Variants in FRMD4A observed in about 807,000 individuals in gnomAD.
The protein encoded by FRMD4A is FERM domain-containing protein 4A.
Under a neutral mutation model 129.1 loss-of-function variants are expected in FRMD4A, and 29 were observed. The observed-to-expected ratio is 0.22, with a 90% CI of 0.17 to 0.31. FRMD4A has a LOEUF of 0.31. FRMD4A is among the 10% of genes least tolerant of loss of function. The pLI is 1.00. For synonymous variants in FRMD4A, 634 were observed against 571.6 expected, an observed-to-expected ratio of 1.11 and a Z score of -1.56; for missense variants, 1,272 against 1,375.8, an observed-to-expected ratio of 0.92 and a Z score of 1.19.
chr10:13,668,579 G>A (rs748199900), intron 17 of FRMD4A: 5 of 152,228 alleles, frequency 3.3e-5, no homozygotes, highest in Non-Finnish European at 5.9e-5. Context: ...TTCCTTTTAC[G>A]AACTTAGGAA....
intron 15 of FRMD4A, among the ~76,000 whole-genome samples, chr10:13,691,408 T>G (rs998908671): frequency 5.9e-5 from 9 of 152,174 alleles, no homozygotes; most frequent in South Asian, 2.1e-4. Context: ...CCCTGGAGTC[T>G]GCCAGATACA....
intron 16 of FRMD4A, among the ~76,000 whole-genome samples, 166 bp from the exon 17 acceptor site, chr10:13,670,694 G>A (rs929679396): frequency 5.9e-5 from 9 of 152,180 alleles, no homozygotes; most frequent in African/African-American, 2.2e-4. Flanking sequence ...CTATGCCTAA[G>A]TAAGAGGTCA....
intron 15 of FRMD4A, among the ~76,000 whole-genome samples, chr10:13,677,274 G>A (rs187082836): frequency 7.2e-5 from 11 of 152,136 alleles, no homozygotes; most frequent in South Asian, 2.1e-4. Flanking sequence ...ATCTGTCACC[G>A]CAGAAACATA....
rs529600344 is a variant in FRMD4A at position 14,052,676 on chromosome 10, A to G, written c.46-193764T>C. Among the ~76,000 whole-genome samples the G allele has an allele frequency of 2.0e-5, 3 of 152,172 alleles. No homozygotes were observed. In the South Asian group the frequency reaches 6.3e-4, roughly 32 times the overall value. On this transcript the variant is annotated intron_variant, in intron 2 of 24. Transcript: ENST00000357447. ...CAGGTTCAAGTGATTCTCCGGCCTC[A>G]GCCTCCCGAGTAGCTGGGATTTCAG...
In FRMD4A at chr10:13,750,109, G is replaced by GAAGAAAGAAAGAAAGAAAGAAAGAAAGA. The variant is rs137911059; in HGVS notation, c.465-2318_465-2291dup. On this transcript the variant is annotated intron_variant, in intron 8 of 24. Transcript: ENST00000357447. ...GAAAGAAAGAAAGAAAGAAAGAAATGAAGAAAGAAAGAAAGAAAGAAAGAA... is the reference window on the plus strand; with the variant it reads ...GAAAGAAAGAAAGAAAGAAAGAAATGAAGAAAGAAAGAAAGAAAGAAAGAAAGAAAGAAAGAAAGAAAGAAAGAAAGAA... Among the ~76,000 whole-genome samples the GAAGAAAGAAAGAAAGAAAGAAAGAAAGA allele has an allele frequency of 6.9e-3, 511 of 73,572 alleles. 8 individuals are homozygous for GAAGAAAGAAAGAAAGAAAGAAAGAAAGA. Among genetic ancestry groups the GAAGAAAGAAAGAAAGAAAGAAAGAAAGA allele is most frequent in the South Asian group, 0.026 (51 of 1,952 alleles). The allele number at this position is 73,572 out of a possible 152,430, so 48.3% of individuals were successfully genotyped here.
At chr10:13,893,646 C>T (rs1380544681) in intron 2 of FRMD4A, among the ~76,000 whole-genome samples, 2 of 152,036 alleles carry the variant, frequency 1.3e-5, no homozygotes, top group South Asian at 4.1e-4. Flanking sequence ...CTTAGCCTCC[C>T]GAGTAGCTGG....
intron 2 of FRMD4A, among the ~76,000 whole-genome samples, chr10:13,982,049 C>T (rs902738435): frequency 7.2e-5 from 11 of 152,188 alleles, no homozygotes; most frequent in African/African-American, 2.4e-4. Context: ...CTCCCACAGG[C>T]GTAGCCATAC....
intron 2 of FRMD4A, among the ~76,000 whole-genome samples, chr10:14,318,108 G>A (rs1400225295): frequency 6.6e-5 from 10 of 152,130 alleles, no homozygotes; most frequent in Admixed American, 5.9e-4. Context: ...GCAGCATATG[G>A]CACTAGTTGT....
At chr10:13,796,801 TC>T (rs1317296018) in intron 4 of FRMD4A, among the ~76,000 whole-genome samples, 1 of 152,102 alleles carries the variant, frequency 6.6e-6, no homozygotes, top group African/African-American at 2.4e-5. Context: ...GCTCACTGCA[TC>T]CTCTGCCTCC....
intron 2 of FRMD4A, among the ~76,000 whole-genome samples, chr10:14,179,568 T>C (rs1841843895): frequency 1.3e-5 from 2 of 152,164 alleles, no homozygotes; most frequent in Admixed American, 1.3e-4. Context: ...ACAGAGAAAA[T>C]TTTCACCTGC....
intron 12 of FRMD4A, among the ~76,000 whole-genome samples, chr10:13,723,870 G>A (rs1055018387): frequency 6.6e-6 from 1 of 152,216 alleles, no homozygotes; most frequent in Non-Finnish European, 1.5e-5. Flanking sequence ...AAGCGGGGAT[G>A]GAGCTCAGAT....
chr10:13,962,712 G>T (rs2446579), intron 2 of FRMD4A, among the ~76,000 whole-genome samples: 1 of 151,916 alleles, frequency 6.6e-6, no homozygotes, highest in African/African-American at 2.4e-5. Context: ...AGTGTTCAAA[G>T]GTAGTTGGCT....
At chr10:14,326,242 A>T (rs974117793) in intron 2 of FRMD4A, 1 of 152,254 alleles carries the variant, frequency 6.6e-6, no homozygotes, top group African/African-American at 2.4e-5. Context: ...GAAAGACAGG[A>T]TTCCTCACCT....
chr10:13,934,775 AT>A (rs1225288253), intron 2 of FRMD4A, among the ~76,000 whole-genome samples: 1 of 152,232 alleles, frequency 6.6e-6, no homozygotes. Flanking sequence ...CTAGTAAAAA[AT>A]TCAATATCAG....
At chr10:13,725,166 C>T (rs1311350923) in intron 12 of FRMD4A, among the ~76,000 whole-genome samples, 2 of 152,142 alleles carry the variant, frequency 1.3e-5, no homozygotes, top group East Asian at 3.8e-4. Flanking sequence ...TCAGGATTCC[C>T]GATCATCTCA....
intron 15 of FRMD4A, chr10:13,684,165 G>A (rs747883315): frequency 6.2e-4 from 116 of 188,250 alleles, no homozygotes; most frequent in South Asian, 1.3e-3. Flanking sequence ...GATAGAATCT[G>A]TTGTTTTTGG....
At chr10:14,177,471 C>T (rs1435334788) in intron 2 of FRMD4A, among the ~76,000 whole-genome samples, 1 of 151,974 alleles carries the variant, frequency 6.6e-6, no homozygotes, top group Non-Finnish European at 1.5e-5. Flanking sequence ...CTGTGCCTGG[C>T]CCCAATCATG....
intron 2 of FRMD4A, among the ~76,000 whole-genome samples, chr10:14,098,533 A>T (rs539326851): frequency 1.5e-3 from 224 of 152,044 alleles, no homozygotes; most frequent in Non-Finnish European, 2.7e-3. Context: ...CCTCCCGAGT[A>T]GCTGGGACTG....
chr10:13,666,201 T>A lies in FRMD4A; in HGVS notation c.1499A>T (p.Tyr500Phe). The A allele has an allele frequency of 6.2e-7, 1 of 1,613,598 alleles. No individual in the cohort carries two copies. The highest frequency in any genetic ancestry group is 8.5e-7 in the Non-Finnish European group (1 of 1,179,468). ...CTGCAGTTTCTTCAGTGCATTCAGA[T>A]ACGAGGTTTTCCTTTGTTTCTTCAG... The part of the protein sequence containing the change: ...KKLKKQRKTS[Y>F]LNALKKLQEI... The change falls in exon 18 of 25, where the codon TAT becomes TTT. Residue 500 changes from tyrosine (Y) to phenylalanine (F), a missense_variant. Transcript: ENST00000357447.
Sources: allele counts gnomAD v4.1 joint callset (sites outside exome capture counted in the v4.1 genomes callset), GRCh38; gene constraint gnomAD v4.1.1; transcripts MANE v1.5; gene names NCBI Gene and HGNC (gene_info 2026-07-23, HGNC 2026-07-21).